ZCCHC2: variants seen among roughly 807,000 people sequenced by gnomAD.
ZCCHC2 encodes the protein zinc finger CCHC domain-containing protein 2.
ZCCHC2 carries 39 observed loss-of-function variants against 103.6 expected under a neutral mutation model. The observed-to-expected ratio is 0.38, with a 90% confidence interval of 0.29 to 0.49. ZCCHC2 has a LOEUF of 0.49. Ranked by LOEUF, ZCCHC2 falls within the 20% of genes least tolerant of loss-of-function variation. ZCCHC2 has a pLI of 0.96. For synonymous variants in ZCCHC2, 687 were observed against 608.9 expected, an observed-to-expected ratio of 1.13 and a Z score of -1.89; for missense variants, 1,483 against 1,491.0, an observed-to-expected ratio of 0.99 and a Z score of 0.09.
intron 1 of ZCCHC2, among the ~76,000 whole-genome samples, chr18:62,535,657 A>G (rs1914892412): frequency 6.6e-6 from 1 of 152,198 alleles, no homozygotes; most frequent in Non-Finnish European, 1.5e-5. Flanking sequence ...TCCAAGCCCA[A>G]GTGTCCAGGA....
chr18:62,534,895 A>G (rs1046462469), intron 1 of ZCCHC2, among the ~76,000 whole-genome samples: 1 of 152,260 alleles, frequency 6.6e-6, no homozygotes, highest in Admixed American at 6.5e-5. Flanking sequence ...ACAAGTCCTA[A>G]TGCAGTGTTG....
In ZCCHC2 at chr18:62,550,433, G is replaced by A. The variant is rs369581993; in HGVS notation, c.1286G>A (p.Arg429Gln). 14 of 1,613,356 alleles carry A rather than the reference G, an allele frequency of 8.7e-6. No individual in the cohort carries two copies. The highest frequency in any genetic ancestry group is 1.7e-5 in the Admixed American group (1 of 59,938). ...NQGSLKREER[R>Q]HPDLEPILRQ... Reference sequence around the variant, plus strand: ...GGTTCCTTGAAAAGGGAGGAACGGCGACATCCTGACCTAGAGCCCATCCTA... The same window carrying A: ...GGTTCCTTGAAAAGGGAGGAACGGCAACATCCTGACCTAGAGCCCATCCTA... The change falls in exon 5 of 14, where the codon CGA becomes CAA. Residue 429 changes from arginine (R) to glutamine (Q), a missense_variant. Arg to Gln is a conservative substitution (Grantham distance 43). Around this residue, in one of 3 missense-constraint regions of ZCCHC2, gnomAD observed 31 missense variants for 58.4 expected, o/e 0.53. Transcript: ENST00000269499.
chr18:62,537,606 A>G (rs76039803), intron 1 of ZCCHC2, among the ~76,000 whole-genome samples: 2,110 of 152,312 alleles, frequency 0.014, 39 homozygotes, highest in African/African-American at 0.047. Flanking sequence ...CCTATTATGT[A>G]TCAGAATTGC....
chr18:62,527,612 T>A (rs1914492328), intron 1 of ZCCHC2, among the ~76,000 whole-genome samples: 1 of 152,174 alleles, frequency 6.6e-6, no homozygotes, highest in Non-Finnish European at 1.5e-5. Flanking sequence ...CTCACATTCC[T>A]CACACAACTG....
intron 10 of ZCCHC2, 123 bp downstream of exon 10, chr18:62,564,758 C>A (rs768060558): frequency 7.7e-5 from 64 of 830,520 alleles, no homozygotes; most frequent in Non-Finnish European, 1.1e-4. Context: ...CTGGGTTTTA[C>A]TCTTTTGGTT....
At chr18:62,571,556 G>C (rs1004869231) in intron 12 of ZCCHC2, among the ~76,000 whole-genome samples, 2 of 152,208 alleles carry the variant, frequency 1.3e-5, no homozygotes, top group African/African-American at 4.8e-5. Flanking sequence ...TTTTATGGAA[G>C]AGTGGATTAT....
chr18:62,526,794 G>C (rs1319143334), intron 1 of ZCCHC2: 1 of 151,342 alleles, frequency 6.6e-6, no homozygotes, highest in African/African-American at 2.4e-5. Flanking sequence ...GCTCCTCCCC[G>C]CCCCCGCCCT....
Position 62,539,748 on chromosome 18 carries a change from C to G in ZCCHC2, c.1007C>G (p.Pro336Arg). The stretch of plus-strand genomic sequence containing the variant: ...AGCTTAATAGAGCAAGCTCCAATAC[C>G]TCAGGACGGACTTACCGTGGCACCT... ...ESSLIEQAPI[P>R]QDGLTVAPHR... The change falls in exon 2 of 14, where the codon CCT becomes CGT. Residue 336 changes from proline (P) to arginine (R), a missense_variant. By Grantham distance (103) the Pro-to-Arg change is moderately radical. This residue lies in a region of ZCCHC2 where 568 missense variants were observed against 525.1 expected (regional missense o/e 1.08). Coordinates refer to ENST00000269499, the MANE Select transcript of ZCCHC2 (RefSeq NM_017742.6). The G allele has an allele frequency of 6.2e-7, 1 of 1,608,442 alleles. No homozygotes were observed. The highest frequency in any genetic ancestry group is 8.5e-7 in the Non-Finnish European group (1 of 1,177,464).
intron 8 of ZCCHC2, among the ~76,000 whole-genome samples, chr18:62,562,015 G>C (rs1342081925): frequency 6.6e-6 from 1 of 151,542 alleles, no homozygotes. Context: ...TTTGTTTTTT[G>C]AGATGGAGTC....
Position 62,576,837 on chromosome 18 carries a change from G to A in ZCCHC2, c.*258G>A. 3.4e-6 allele frequency: 1 copy of A among 290,416 alleles called. No individual in the cohort carries two copies. Among genetic ancestry groups the A allele is most frequent in the South Asian group, 5.7e-5 (1 of 17,508 alleles). 18.0% of individuals were successfully genotyped at this position (290,416 alleles called of 1,614,324 possible). On this transcript the variant is annotated 3_prime_UTR_variant, in exon 14 of 14. Transcript: ENST00000269499. Reference sequence around the variant, plus strand: ...AACCTTCAGACAAACTTAAATGTTGGTGCGTGCTTTTTTTTTTTTTTTTAC... The same window carrying A: ...AACCTTCAGACAAACTTAAATGTTGATGCGTGCTTTTTTTTTTTTTTTTAC...
chr18:62,556,411 TACATTTTTAATG>T (rs1158617287), intron 6 of ZCCHC2, 114 bp downstream of exon 6: 3 of 771,104 alleles, frequency 3.9e-6, no homozygotes, highest in African/African-American at 3.5e-5. Flanking sequence ...AATAGTGACA[TACATTTTTAATG>T]TCATTTTTAA....
Position 62,524,323 on chromosome 18 carries a change from T to G in ZCCHC2, c.899T>G (p.Val300Gly), listed in dbSNP as rs1283734247. Residue 300 changes from valine to glycine, a missense_variant, in exon 1 of 14, where the codon GTG (valine) becomes GGG (glycine). Val to Gly is a moderately radical substitution (Grantham distance 109). Around this residue, in one of 3 missense-constraint regions of ZCCHC2, gnomAD observed 568 missense variants for 525.1 expected, o/e 1.08. Coordinates refer to ENST00000269499, the MANE Select transcript of ZCCHC2 (RefSeq NM_017742.6). ...CGCGGGGGCCCCGAGGACGCGGAGG[T>G]GGAGGTAGAGCCGTGCAAGTTTGCC... ...ALRGGPEDAEVEVEPCKFAGP... is the reference protein window; with the variant it reads ...ALRGGPEDAEGEVEPCKFAGP... The G allele has an allele frequency of 1.9e-6, 3 of 1,547,118 alleles. No homozygotes were observed. In the Admixed American group the frequency reaches 5.9e-5, roughly 30 times the overall value.
intron 1 of ZCCHC2, chr18:62,526,468 C>T (rs1228513070): frequency 6.6e-6 from 1 of 152,426 alleles, no homozygotes; most frequent in East Asian, 1.9e-4. Flanking sequence ...CGTAGAGTGA[C>T]CTCCGAGTCC....
At chr18:62,567,525 C>T (rs1393640553) in intron 11 of ZCCHC2, among the ~76,000 whole-genome samples, 7 of 152,206 alleles carry the variant, frequency 4.6e-5, no homozygotes, top group Admixed American at 2.6e-4. Flanking sequence ...TGTGCTGGCT[C>T]CTGCCAGGAC....
rs1285313220 is a variant in ZCCHC2, at chr18:62,563,285, AT to A, written c.1686+142del. ...TGTTTAAGTTTTAGACTTTATACTT[AT>A]ATATGATCTAAGCTCTTCTGAGACC... On this transcript the variant is annotated intron_variant, in intron 9 of 13. Coordinates refer to ENST00000269499, the MANE Select transcript of ZCCHC2 (RefSeq NM_017742.6). 3 of 998,116 alleles carry A rather than the reference AT, an allele frequency of 3.0e-6. No individual in the cohort carries two copies. The African/African-American group carries it at 4.9e-5, about 16-fold the overall frequency. 61.8% of individuals were successfully genotyped at this position (998,116 alleles called of 1,614,324 possible).
intron 11 of ZCCHC2, among the ~76,000 whole-genome samples, chr18:62,567,729 G>T (rs996763108): frequency 2.0e-5 from 3 of 151,998 alleles, no homozygotes; most frequent in African/African-American, 7.3e-5. Context: ...TGGATCACTT[G>T]AGGTCAGGAA....
intron 1 of ZCCHC2, among the ~76,000 whole-genome samples, chr18:62,529,707 A>G (rs527447364): frequency 6.6e-6 from 1 of 152,318 alleles, no homozygotes; most frequent in African/African-American, 2.4e-5. Flanking sequence ...AGAACTCAGA[A>G]ACTAAGTCTC....
Position 62,576,760 on chromosome 18 carries a change from C to A in ZCCHC2, c.*181C>A. 1.7e-6 allele frequency: 1 copy of A among 571,602 alleles called. No homozygotes were observed. Among genetic ancestry groups the A allele is most frequent in the Admixed American group, 3.3e-5 (1 of 30,590 alleles). 35.4% of individuals were successfully genotyped at this position (571,602 alleles called of 1,614,324 possible). On this transcript the variant is annotated 3_prime_UTR_variant, in exon 14 of 14. Transcript: ENST00000269499. Reference sequence around the variant, plus strand: ...AAGAAAGAATGCAATGCTTTTGAGCCTCTGGTCTCCTGGTTCAACAACAGG... The same window carrying A: ...AAGAAAGAATGCAATGCTTTTGAGCATCTGGTCTCCTGGTTCAACAACAGG...
chr18:62,575,307 C>T lies in ZCCHC2; in HGVS notation c.3226C>T (p.Pro1076Ser), dbSNP rs1315779612. 1.2e-6 allele frequency: 2 copies of T among 1,613,780 alleles called. No homozygotes were observed. The highest frequency in any genetic ancestry group is 1.7e-6 in the Non-Finnish European group (2 of 1,179,850). The change falls in exon 13 of 14, where the codon CCT becomes TCT. Residue 1076 changes from proline (P) to serine (S), a missense_variant. Pro to Ser is a moderately conservative substitution (Grantham distance 74). This residue lies in a region of ZCCHC2 where 884 missense variants were observed against 907.5 expected (regional missense o/e 0.97). Transcript: ENST00000269499. Reference sequence around the variant, plus strand: ...TGGAAACCAACTTCCTTTTTTTCTGCCTCAGACTCCATATGCAAATGGACT... The same window carrying T: ...TGGAAACCAACTTCCTTTTTTTCTGTCTCAGACTCCATATGCAAATGGACT... ...SNGNQLPFFL[P>S]QTPYANGLVH...
Sources: allele counts gnomAD v4.1 joint callset (sites outside exome capture counted in the v4.1 genomes callset), GRCh38; gene constraint gnomAD v4.1.1; regional missense constraint gnomAD v4.1.1; transcripts MANE v1.5; gene names NCBI Gene and HGNC (gene_info 2026-07-23, HGNC 2026-07-21).